The following INHBA variants were observed in gnomAD, a reference collection of about 807,000 sequenced individuals.
INHBA encodes inhibin beta A chain.
INHBA carries 1 observed loss-of-function variant against 29.0 expected under a neutral mutation model. The observed-to-expected ratio is 0.03, with a 90% CI of 0.01 to 0.16. The LOEUF (loss-of-function observed/expected upper bound fraction) is 0.16, where lower values mean the gene tolerates loss of function less well. INHBA is among the 10% of genes least tolerant of loss of function. The pLI, the probability that INHBA is intolerant of heterozygous loss-of-function variation, is 1.00. For missense variants in INHBA, 376 were observed against 545.4 expected (o/e 0.69, Z 3.09); for synonymous variants, 242 against 216.8 (o/e 1.12, Z -1.02).
At chr7:41,705,174 G>A (rs1794887417), upstream of INHBA, 1 of 152,644 alleles carries the variant, frequency 6.6e-6, no homozygotes, top group Non-Finnish European at 1.5e-5. Context: ...GTCCTGACCA[G>A]AATCTCCTTC....
At chr7:41,702,425 G>A (rs948892371) in intron 1 of INHBA, among the ~76,000 whole-genome samples, 2 of 152,130 alleles carry the variant, frequency 1.3e-5, no homozygotes, top group Admixed American at 1.3e-4. Flanking sequence ...TTAAAACTTT[G>A]TCAACATTGC....
intron 1 of INHBA, 59 bp from the exon 2 acceptor site, chr7:41,700,576 C>G (rs933210544): frequency 2.6e-6 from 1 of 378,076 alleles, no homozygotes; most frequent in African/African-American, 2.1e-5. Flanking sequence ...TCTCTGAATG[C>G]AGTCAGTGCT....
chr7:41,694,655 A>AT (rs1046275748), intron 2 of INHBA, among the ~76,000 whole-genome samples: 12 of 152,106 alleles, frequency 7.9e-5, no homozygotes, highest in African/African-American at 2.7e-4. Flanking sequence ...CCTCTGTGCT[A>AT]TTTTTTCCCT....
At chr7:41,694,554 C>G (rs566153444) in intron 2 of INHBA, among the ~76,000 whole-genome samples, 1 of 152,318 alleles carries the variant, frequency 6.6e-6, no homozygotes, top group Admixed American at 6.5e-5. Flanking sequence ...CAGGTGCGAC[C>G]TAGGTTCCTG....
Position 41,685,325 on chromosome 7 carries a change from A to T in INHBA, c.*4325T>A, listed in dbSNP as rs1347894121. 1 of 152,148 alleles carries T rather than the reference A, an allele frequency of 6.6e-6. No homozygotes were observed. The highest frequency in any genetic ancestry group is 1.5e-5 in the Non-Finnish European group (1 of 67,996). 9.4% of individuals were successfully genotyped at this position (152,148 alleles called of 1,614,324 possible). ...CTTTAAACATATTGTAAATAAAAAA[A>T]TTACCAGTACTTCTACACAATAAAT... On this transcript the variant is annotated 3_prime_UTR_variant, in exon 3 of 3. Coordinates refer to ENST00000242208, the MANE Select transcript of INHBA (RefSeq NM_002192.4).
At position 41,686,082 on chromosome 7, in the gene INHBA, A is replaced by G. The variant is rs1794388595; in HGVS notation, c.*3568T>C. ...TCCCACAATGGTGAAAAAAAAATAGAAAGTATTTGTTCTACCTTTAAGGAG... is the reference window on the plus strand; with the variant it reads ...TCCCACAATGGTGAAAAAAAAATAGGAAGTATTTGTTCTACCTTTAAGGAG... On this transcript the variant is annotated 3_prime_UTR_variant, in exon 3 of 3. Transcript: ENST00000242208. 6.6e-6 allele frequency: 1 copy of G among 152,132 alleles called. No homozygotes were observed. Among genetic ancestry groups the G allele is most frequent in the African/African-American group, 2.4e-5 (1 of 41,434 alleles). The allele number at this position is 152,132 out of a possible 1,614,324, so 9.4% of individuals were successfully genotyped here. A position where few individuals can be genotyped will look rare whatever the true frequency, so the allele number is the denominator to read the frequency against.
chr7:41,699,103 C>T (rs1423023992), intron 2 of INHBA, among the ~76,000 whole-genome samples: 1 of 152,156 alleles, frequency 6.6e-6, no homozygotes, highest in Non-Finnish European at 1.5e-5. Context: ...ATACTTTTGA[C>T]AGGTATTGCT....
intron 1 of INHBA, among the ~76,000 whole-genome samples, chr7:41,701,275 G>A (rs80350335): frequency 0.015 from 2,313 of 152,200 alleles, 47 homozygotes; most frequent in African/African-American, 0.041. Flanking sequence ...TGGCCACGTG[G>A]TGGGGCAGAG....
At chr7:41,699,672 GCAGCC>G (rs1224987736) in intron 2 of INHBA, among the ~76,000 whole-genome samples, 4 of 152,066 alleles carry the variant, frequency 2.6e-5, no homozygotes, top group African/African-American at 9.7e-5. Context: ...GCAGGGCAAG[GCAGCC>G]CCTCACAGTC....
intron 2 of INHBA, among the ~76,000 whole-genome samples, chr7:41,696,135 G>A (rs1794642386): frequency 6.6e-6 from 1 of 152,142 alleles, no homozygotes; most frequent in South Asian, 2.1e-4. Context: ...ATTACAGAAA[G>A]AACCTTTTTC....
rs1794455402 is a variant in INHBA at position 41,689,567 on chromosome 7, C to G, written c.*83G>C. On this transcript the variant is annotated 3_prime_UTR_variant, in exon 3 of 3. Coordinates refer to ENST00000242208, the MANE Select transcript of INHBA (RefSeq NM_002192.4). ...TTTTAATTTCTATTTTTCTGGTTAACTCAGAAACCTTAAAAATTTCTTCAT... is the reference window on the plus strand; with the variant it reads ...TTTTAATTTCTATTTTTCTGGTTAAGTCAGAAACCTTAAAAATTTCTTCAT... 1 of 836,256 alleles carries G rather than the reference C, an allele frequency of 1.2e-6. No individual in the cohort carries two copies. The highest frequency in any genetic ancestry group is 3.4e-5 in the East Asian group (1 of 29,170). The allele number at this position is 836,256 out of a possible 1,614,324, so 51.8% of individuals were successfully genotyped here.
At chr7:41,694,274 AAG>A (rs1433666821) in intron 2 of INHBA, among the ~76,000 whole-genome samples, 1 of 152,222 alleles carries the variant, frequency 6.6e-6, no homozygotes. Context: ...AGGTATGAAA[AAG>A]ATAATAAATA....
At chr7:41,701,804 T>A (rs1389180695) in intron 1 of INHBA, among the ~76,000 whole-genome samples, 3 of 152,272 alleles carry the variant, frequency 2.0e-5, no homozygotes, top group Non-Finnish European at 4.4e-5. Flanking sequence ...ATGTGGTAGT[T>A]TTTTCAGCTT....
chr7:41,704,473 C>T (rs531518953), upstream of INHBA, among the ~76,000 whole-genome samples: 2 of 152,210 alleles, frequency 1.3e-5, no homozygotes, highest in Admixed American at 1.3e-4. Flanking sequence ...AACTCAAACC[C>T]TTTATAAGAA....
rs762816927 is a variant in INHBA, at chr7:41,700,278, G to T, written c.97C>A (p.Pro33Thr). Reference protein sequence around the residue: ...TPGSEGHSAAPDCPSCALAAL... With the variant: ...TPGSEGHSAATDCPSCALAAL... The stretch of plus-strand genomic sequence containing the variant: ...GCCAGCGCACAGGACGGACAGTCGG[G>T]GGCCGCGCTGTGCCCCTCGGATCCT... Residue 33 changes from proline (P) to threonine (T), a missense_variant, in exon 2 of 3, where the codon CCC becomes ACC. Physicochemically the swap from Pro to Thr is conservative, Grantham distance 38. This residue lies in a region of INHBA where 71 missense variants were observed against 77.0 expected (regional missense o/e 0.92). Transcript: ENST00000242208. 6.3e-7 allele frequency: 1 copy of T among 1,599,060 alleles called. No individual in the cohort carries two copies. The highest frequency in any genetic ancestry group is 1.1e-5 in the South Asian group (1 of 89,420).
intron 1 of INHBA, among the ~76,000 whole-genome samples, chr7:41,701,285 G>A (rs575189099): frequency 1.3e-5 from 2 of 152,238 alleles, no homozygotes; most frequent in African/African-American, 4.8e-5. Flanking sequence ...GTGGGGCAGA[G>A]GGTGCAGGGA....
At position 41,690,468 on chromosome 7, in the gene INHBA, C is replaced by T; in HGVS notation, c.463G>A (p.Val155Ile). Residue 155 changes from valine to isoleucine, a missense_variant, in exon 3 of 3, where the codon GTC becomes ATC. Transcript: ENST00000242208. ...SDLSVVERAE[V>I]WLFLKVPKAN... ...TTGGGGACTTTTAGGAAGAGCCAGA[C>T]TTCTGCACGCTCCACCACTGACAGG... 1 of 1,613,968 alleles carries T rather than the reference C, an allele frequency of 6.2e-7. No individual in the cohort carries two copies. The highest frequency in any genetic ancestry group is 8.5e-7 in the Non-Finnish European group (1 of 1,180,032).
chr7:41,699,013 G>A (rs149436274), intron 2 of INHBA, among the ~76,000 whole-genome samples: 2 of 152,320 alleles, frequency 1.3e-5, no homozygotes, highest in African/African-American at 4.8e-5. Flanking sequence ...CTGTGTGCCT[G>A]ACGTGCATGG....
chr7:41,689,102 CTGTGTGTG>C lies in INHBA; in HGVS notation c.*540_*547del, dbSNP rs56919042. 4.1e-3 allele frequency: 905 copies of C among 222,532 alleles called. No individual in the cohort carries two copies. Among genetic ancestry groups the C allele is most frequent in the East Asian group, 0.027 (407 of 14,806 alleles). The allele number at this position is 222,532 out of a possible 1,614,324, so 13.8% of individuals were successfully genotyped here. On this transcript the variant is annotated 3_prime_UTR_variant, in exon 3 of 3. Transcript: ENST00000242208. The stretch of plus-strand genomic sequence containing the variant: ...GTATATATGTAATGTGTGGAAATGC[CTGTGTGTG>C]TGTGTGTGTGTGTGTGTGTGTGTGT...
Sources: gnomAD v4.1 joint callset for allele counts (sites outside exome capture counted in the v4.1 genomes callset) on GRCh38, gnomAD v4.1.1 for gene constraint, gnomAD v4.1.1 regional missense constraint, MANE v1.5 for transcripts, NCBI Gene and HGNC (gene_info 2026-07-23, HGNC 2026-07-21) for gene names.